FN1: variants seen among roughly 807,000 people sequenced by gnomAD.
The protein encoded by FN1 is fibronectin.
FN1 carries 106 observed loss-of-function variants against 297.3 expected under a neutral mutation model. The observed-to-expected ratio is 0.36, with a 90% CI of 0.30 to 0.42. The LOEUF (loss-of-function observed/expected upper bound fraction) is 0.42, where lower values mean the gene tolerates loss of function less well. Among genes scored for constraint, FN1 ranks in the 10% least tolerant of loss-of-function variants. The probability of loss-of-function intolerance (pLI) is 1.00; values close to 1 mark genes in which losing one functional copy is unlikely to be tolerated. For synonymous variants in FN1, 1,149 were observed against 1,152.6 expected (o/e 1.00, Z 0.06); for missense variants, 2,690 against 3,124.9 (o/e 0.86, Z 3.32).
At chr2:215,368,595 C>A (rs2055162754) in intron 41 of FN1, among the ~76,000 whole-genome samples, 1 of 152,100 alleles carries the variant, frequency 6.6e-6, no homozygotes, top group African/African-American at 2.4e-5. Flanking sequence ...GCTTATAATG[C>A]AAAAGTCTTA....
intron 6 of FN1, among the ~76,000 whole-genome samples, chr2:215,427,568 C>T (rs2065687658): frequency 6.6e-6 from 1 of 152,070 alleles, no homozygotes; most frequent in Non-Finnish European, 1.5e-5. Context: ...TCTCTAAGTC[C>T]TCTCTGAATT....
chr2:215,396,008 T>C (rs2060268000), intron 23 of FN1, among the ~76,000 whole-genome samples: 1 of 152,236 alleles, frequency 6.6e-6, no homozygotes, highest in South Asian at 2.1e-4. Flanking sequence ...AAAATCACTC[T>C]ACTTCAGAGG....
intron 12 of FN1, among the ~76,000 whole-genome samples, chr2:215,415,892 T>G (rs2063371129): frequency 6.6e-6 from 1 of 151,914 alleles, no homozygotes; most frequent in African/African-American, 2.4e-5. Flanking sequence ...AACACTATCT[T>G]TATGATGTCA....
At chr2:215,435,066 G>A (rs2067223149) in intron 1 of FN1, among the ~76,000 whole-genome samples, 1 of 152,152 alleles carries the variant, frequency 6.6e-6, no homozygotes, top group South Asian at 2.1e-4. Context: ...TTCTTTTGGA[G>A]TAATAGTCAA....
chr2:215,406,169 G>A (rs1430690922), intron 19 of FN1, 69 bp downstream of exon 19: 1 of 1,496,754 alleles, frequency 6.7e-7, no homozygotes, highest in African/African-American at 1.4e-5. Context: ...ATGGTTTACT[G>A]CACTTTCTCA....
intron 25 of FN1, chr2:215,392,016 T>A: frequency 1.8e-6 from 1 of 565,908 alleles, no homozygotes. Context: ...TTAGGCCCCC[T>A]TTAACCTTTT....
chr2:215,368,789 A>G (rs1310128657), intron 41 of FN1, among the ~76,000 whole-genome samples: 2 of 152,188 alleles, frequency 1.3e-5, no homozygotes, highest in African/African-American at 4.8e-5. Context: ...TAAGTAAGGG[A>G]GTCTCTTCAT....
intron 27 of FN1, among the ~76,000 whole-genome samples, 199 bp downstream of exon 27, chr2:215,388,013 G>A (rs939585990): frequency 6.6e-6 from 1 of 152,178 alleles, no homozygotes; most frequent in South Asian, 2.1e-4. Context: ...TAATTTGTTA[G>A]TGACTGAAAG....
At chr2:215,380,697 A>G (rs943341165) in intron 33 of FN1, 114 bp downstream of exon 33, 2 of 1,234,928 alleles carry the variant, frequency 1.6e-6, no homozygotes, top group Non-Finnish European at 2.4e-6. Flanking sequence ...ATCTTTCCTA[A>G]TAATTCTTTT....
intron 6 of FN1, among the ~76,000 whole-genome samples, chr2:215,427,239 T>C (rs2106477383): frequency 6.6e-6 from 1 of 152,248 alleles, no homozygotes; most frequent in African/African-American, 2.4e-5. Context: ...CTCAAAGATA[T>C]TATCAAATCT....
At chr2:215,385,507 A>G (rs1226042622) in intron 28 of FN1, among the ~76,000 whole-genome samples, 1 of 149,552 alleles carries the variant, frequency 6.7e-6, no homozygotes, top group East Asian at 2.0e-4. Flanking sequence ...GGTTGCAGTG[A>G]GCCAAGATCC....
At chr2:215,364,673 T>G in intron 44 of FN1, 1 of 604,076 alleles carries the variant, frequency 1.7e-6, no homozygotes, top group East Asian at 2.8e-5. Context: ...TTCTTTCTAC[T>G]AAGAGTAATA....
At chr2:215,435,081 G>A (rs1396342432) in intron 1 of FN1, among the ~76,000 whole-genome samples, 1 of 152,096 alleles carries the variant, frequency 6.6e-6, no homozygotes, top group Non-Finnish European at 1.5e-5. Flanking sequence ...AGTCAAAAAG[G>A]ACAACTTTAA....
intron 15 of FN1, among the ~76,000 whole-genome samples, 176 bp from the exon 16 acceptor site, chr2:215,408,602 G>A (rs563786688): frequency 1.3e-5 from 2 of 152,266 alleles, no homozygotes; most frequent in East Asian, 3.9e-4. Flanking sequence ...GAGTCTTGCT[G>A]TGTTGCCCAG....
intron 42 of FN1, among the ~76,000 whole-genome samples, chr2:215,367,502 A>C (rs936040741): frequency 2.6e-4 from 40 of 152,324 alleles, no homozygotes; most frequent in African/African-American, 7.2e-4. Flanking sequence ...TTCAACACTG[A>C]AGATTAAAAG....
Position 215,361,514 on chromosome 2 carries a change from G to C in FN1, c.*41C>G. 1 of 1,351,774 alleles carries C rather than the reference G, an allele frequency of 7.4e-7. No individual in the cohort carries two copies. Among genetic ancestry groups the C allele is most frequent in the Non-Finnish European group, 1.1e-6 (1 of 940,262 alleles). 83.7% of individuals were successfully genotyped at this position (1,351,774 alleles called of 1,614,324 possible). Reference sequence around the variant, plus strand: ...CATCACTCCAGTTTAGATGGATCTTGGCAGAGAGACATGCTTGTTCCTCTG... The same window carrying C: ...CATCACTCCAGTTTAGATGGATCTTCGCAGAGAGACATGCTTGTTCCTCTG... On this transcript the variant is annotated 3_prime_UTR_variant, in exon 46 of 46. Coordinates refer to ENST00000354785, the MANE Select transcript of FN1 (RefSeq NM_212482.4).
intron 6 of FN1, 27 bp downstream of exon 6, chr2:215,428,153 C>T (rs1444405702): frequency 1.2e-6 from 2 of 1,613,168 alleles, no homozygotes; most frequent in Non-Finnish European, 1.7e-6. Context: ...TTCCCCATTT[C>T]CCGCCCCTGC....
intron 6 of FN1, 128 bp from the exon 7 acceptor site, chr2:215,425,413 G>A: frequency 1.1e-6 from 1 of 914,288 alleles, no homozygotes; most frequent in Non-Finnish European, 1.8e-6. Context: ...GCCTGGGACT[G>A]GAAAAAAATG....
chr2:215,362,140 T>C, intron 44 of FN1, 61 bp from the exon 45 acceptor site: 2 of 1,307,820 alleles, frequency 1.5e-6, no homozygotes, highest in Non-Finnish European at 2.2e-6. Flanking sequence ...CATCGTAATT[T>C]AGTGTTTGAG....
Sources: gnomAD v4.1 joint callset for allele counts (sites outside exome capture counted in the v4.1 genomes callset) on GRCh38, gnomAD v4.1.1 for gene constraint, MANE v1.5 for transcripts, NCBI Gene and HGNC (gene_info 2026-07-23, HGNC 2026-07-21) for gene names.